Variants in PAX2 observed in about 807,000 individuals in gnomAD.
The protein encoded by PAX2 is paired box protein Pax-2.
A neutral mutation model predicts 41.7 loss-of-function variants in PAX2; 9 were observed. The ratio of observed to expected loss-of-function variants is 0.22; its 90% CI spans 0.13 to 0.38. PAX2 has a LOEUF of 0.38. Among genes scored for constraint, PAX2 ranks in the 10% least tolerant of loss-of-function variants. The pLI, the probability that PAX2 is intolerant of heterozygous loss-of-function variation, is 1.00. For synonymous variants in PAX2, 221 were observed against 212.7 expected (o/e 1.04, Z -0.34); for missense variants, 418 against 531.6 (o/e 0.79, Z 2.10).
rs1030580693 is a variant in PAX2, at chr10:100,826,368, C to T, written c.1022-641C>T. Among the ~76,000 whole-genome samples the T allele has an allele frequency of 4.6e-5, 7 of 152,140 alleles. No homozygotes were observed. Among genetic ancestry groups the T allele is most frequent in the Non-Finnish European group, 8.8e-5 (6 of 68,028 alleles). ...TCCCGCAGAGGGAGGGAGGTAGCTTCCGACGACGGCTCCCAACCCACGGGC... is the reference window on the plus strand; with the variant it reads ...TCCCGCAGAGGGAGGGAGGTAGCTTTCGACGACGGCTCCCAACCCACGGGC... On this transcript the variant is annotated intron_variant, in intron 8 of 9. Coordinates refer to ENST00000355243, the MANE Select transcript of PAX2 (RefSeq NM_000278.5). The surrounding 1 kb of genome is among the most constrained non-coding windows in gnomAD (Gnocchi z 5.5).
chr10:100,766,961 G>A (rs1846050727), intron 3 of PAX2, among the ~76,000 whole-genome samples: 1 of 152,152 alleles, frequency 6.6e-6, no homozygotes, highest in African/African-American at 2.4e-5. Context: ...CACAGACACT[G>A]CCACCAAACA....
At chr10:100,815,574 C>G (rs1564742174) in intron 7 of PAX2, among the ~76,000 whole-genome samples, 1 of 152,222 alleles carries the variant, frequency 6.6e-6, no homozygotes, top group Non-Finnish European at 1.5e-5. Flanking sequence ...AACCTCAGCT[C>G]TGATTTAATT....
chr10:100,783,541 G>T (rs149359229), intron 5 of PAX2, among the ~76,000 whole-genome samples: 6 of 152,196 alleles, frequency 3.9e-5, no homozygotes, highest in Non-Finnish European at 5.9e-5. Context: ...GCCAGCCACT[G>T]CAGGGCAGCT....
chr10:100,773,156 T>C (rs1277398764), intron 3 of PAX2, among the ~76,000 whole-genome samples: 1 of 152,266 alleles, frequency 6.6e-6, no homozygotes, highest in African/African-American at 2.4e-5. Flanking sequence ...TGGGTGACTT[T>C]GAGCAAGTTG....
chr10:100,755,666 A>G (rs1845600869), intron 3 of PAX2, among the ~76,000 whole-genome samples: 2 of 152,334 alleles, frequency 1.3e-5, no homozygotes, highest in African/African-American at 2.4e-5. Context: ...CTGAGAGGCA[A>G]CAATCAGCCC....
chr10:100,742,834 T>C (rs936602580), upstream of PAX2, among the ~76,000 whole-genome samples: 1 of 144,514 alleles, frequency 6.9e-6, no homozygotes, highest in African/African-American at 2.6e-5. Flanking sequence ...CCTTTCCTCT[T>C]CTTTCTTCCT....
chr10:100,802,700 C>T (rs1046107515), intron 5 of PAX2, among the ~76,000 whole-genome samples: 25 of 152,250 alleles, frequency 1.6e-4, no homozygotes, highest in South Asian at 2.1e-4. Flanking sequence ...GCATTAGTCA[C>T]GGTCCCTGCC....
chr10:100,806,436 C>G lies in PAX2; in HGVS notation c.623C>G (p.Ser208Cys). Residue 208 changes from serine (S) to cysteine (C), a missense_variant, in exon 6 of 10, where the codon TCT becomes TGT. Physicochemically the swap from Ser to Cys is moderately radical, Grantham distance 112 (BLOSUM62 -1). Coordinates refer to ENST00000355243, the MANE Select transcript of PAX2 (RefSeq NM_000278.5). ...GTGTCCATGTGTTCTCCAGATGTGT[C>G]TGAGGGCTCAGTCCCCAATGGAGAT... Reference protein sequence around the residue: ...GEKRKRDEDVSEGSVPNGDSQ... With the variant: ...GEKRKRDEDVCEGSVPNGDSQ... 1.2e-6 allele frequency: 2 copies of G among 1,614,240 alleles called. No individual in the cohort carries two copies. The highest frequency in any genetic ancestry group is 2.2e-5 in the South Asian group (2 of 91,090).
chr10:100,770,831 C>T (rs957055459), intron 3 of PAX2, among the ~76,000 whole-genome samples: 1 of 152,174 alleles, frequency 6.6e-6, no homozygotes, highest in African/African-American at 2.4e-5. Flanking sequence ...ATTTTGGTGA[C>T]TATGTCAGCT....
intron 1 of PAX2, among the ~76,000 whole-genome samples, chr10:100,735,889 G>A (rs1475883644): frequency 6.6e-6 from 1 of 152,232 alleles, no homozygotes; most frequent in Non-Finnish European, 1.5e-5. Flanking sequence ...TGCGGACTCT[G>A]GGGCCTCCTG....
Position 100,828,088 on chromosome 10 carries a change from G to T in PAX2, c.*469G>T, listed in dbSNP as rs1010649650. On this transcript the variant is annotated 3_prime_UTR_variant, in exon 10 of 10. Transcript: ENST00000355243. The surrounding 1 kb of genome is among the most constrained non-coding windows in gnomAD (Gnocchi z 6.5). ...GGACGCTCGGGCGCCAGGAGGCTTC[G>T]CTGGAGGGGCTGGGCCAAGGAGATT... is the stretch of plus-strand genomic sequence containing the variant. 1 of 236,374 alleles carries T rather than the reference G, an allele frequency of 4.2e-6. No individual in the cohort carries two copies. The highest frequency in any genetic ancestry group is 8.2e-6 in the Non-Finnish European group (1 of 121,584). The allele number at this position is 236,374 out of a possible 1,614,324, so 14.6% of individuals were successfully genotyped here.
rs139252669 is a variant in PAX2 at position 100,761,040 on chromosome 10, A to C, written c.410+10149A>C. ...ATGGTCCTGGAAGGGAAAACCTAGC[A>C]GACTCCAGATGAGAGCGAGGGGAGG... On this transcript the variant is annotated intron_variant, in intron 3 of 9. Transcript: ENST00000355243. Among the ~76,000 whole-genome samples, 796 of 152,334 alleles carry C rather than the reference A, an allele frequency of 5.2e-3. 12 individuals are homozygous for C. The highest frequency in any genetic ancestry group is 0.018 in the African/African-American group (764 of 41,576).
At chr10:100,816,472 G>T (rs907962455) in intron 7 of PAX2, among the ~76,000 whole-genome samples, 1 of 152,188 alleles carries the variant, frequency 6.6e-6, no homozygotes, top group South Asian at 2.1e-4. Flanking sequence ...AACATTTTTT[G>T]AATGACCGGA....
At chr10:100,777,398 C>CTTTTTTTTTT (rs56136871) in intron 3 of PAX2, among the ~76,000 whole-genome samples, 8 of 121,938 alleles carry the variant, frequency 6.6e-5, no homozygotes, top group African/African-American at 9.3e-5. Context: ...CGCATCTGGC[C>CTTTTTTTTTT]TTTTTTTTTT....
At chr10:100,787,113 G>A (rs1391757335) in intron 5 of PAX2, 4 of 541,552 alleles carry the variant, frequency 7.4e-6, no homozygotes, top group African/African-American at 5.8e-5. Context: ...GCCAGAGCAT[G>A]GAAAAGGAGG....
At chr10:100,778,157 A>C (rs892830124) in intron 3 of PAX2, among the ~76,000 whole-genome samples, 18 of 152,224 alleles carry the variant, frequency 1.2e-4, no homozygotes, top group African/African-American at 4.3e-4. Context: ...GACCAAGGCT[A>C]TGTGGCTTCT....
intron 1 of PAX2, chr10:100,749,317 C>G: frequency 2.0e-6 from 2 of 1,006,042 alleles, no homozygotes; most frequent in Non-Finnish European, 2.4e-6. Context: ...CCCGCACGCG[C>G]GGACAGCTCC....
At position 100,748,400 on chromosome 10, in the gene PAX2, G is replaced by C. The variant is rs1845289522; in HGVS notation, c.44-1346G>C. 1.0e-6 allele frequency: 1 copy of C among 979,852 alleles called. No individual in the cohort carries two copies. Among genetic ancestry groups the C allele is most frequent in the Admixed American group, 6.2e-5 (1 of 16,188 alleles). The allele number at this position is 979,852 out of a possible 1,614,324, so 60.7% of individuals were successfully genotyped here. ...AACGCGATCAGAGGTCTTTCCCCAG[G>C]GTTTCACCGAGCTTGCTCTAGGTAC... On this transcript the variant is annotated intron_variant, in intron 1 of 9. Transcript: ENST00000355243. This position sits in a 1 kb window ranked among gnomAD's most constrained non-coding sequence, Gnocchi z 5.0.
At chr10:100,798,445 TG>T (rs1407316533) in intron 5 of PAX2, among the ~76,000 whole-genome samples, 1 of 152,010 alleles carries the variant, frequency 6.6e-6, no homozygotes, top group African/African-American at 2.4e-5. Context: ...GAGCTTGGCT[TG>T]GGAACTGTGG....
Sources: gnomAD v4.1 joint callset for allele counts (sites outside exome capture counted in the v4.1 genomes callset) on GRCh38, gnomAD v4.1.1 for gene constraint, Gnocchi (gnomAD v3.1) non-coding constraint, MANE v1.5 for transcripts, NCBI Gene and HGNC (gene_info 2026-07-23, HGNC 2026-07-21) for gene names.